The following FYN variants were observed in gnomAD, a reference collection of about 807,000 sequenced individuals.
The protein encoded by FYN is tyrosine-protein kinase Fyn.
A neutral mutation model predicts 70.2 loss-of-function variants in FYN; 10 were observed. That is an observed-to-expected ratio of 0.14 (90% confidence interval 0.09 to 0.24). The LOEUF (loss-of-function observed/expected upper bound fraction) is 0.24. Among genes scored for constraint, FYN ranks in the 10% least tolerant of loss-of-function variants. The pLI, the probability that FYN is intolerant of heterozygous loss-of-function variation, is 1.00. For synonymous variants in FYN, 236 were observed against 248.6 expected (o/e 0.95, Z 0.48); for missense variants, 319 against 673.1 (o/e 0.47, Z 5.82).
At chr6:111,795,343 C>T (rs1160508132) in intron 2 of FYN, among the ~76,000 whole-genome samples, 2 of 152,168 alleles carry the variant, frequency 1.3e-5, no homozygotes, top group Non-Finnish European at 2.9e-5. Context: ...AAAAGACAGC[C>T]ATCTACAAGC....
chr6:111,698,300 A>G (rs1023376850), intron 9 of FYN, among the ~76,000 whole-genome samples: 1 of 151,876 alleles, frequency 6.6e-6, no homozygotes, highest in Non-Finnish European at 1.5e-5. Flanking sequence ...TGCCCGGCTA[A>G]TTTTGTATTT....
intron 3 of FYN, among the ~76,000 whole-genome samples, chr6:111,752,331 A>C (rs912276862): frequency 2.6e-5 from 4 of 152,226 alleles, no homozygotes; most frequent in Non-Finnish European, 4.4e-5. Context: ...AAGATGAATA[A>C]GCTATCAGCC....
At chr6:111,823,701 G>C (rs1412392787) in intron 2 of FYN, among the ~76,000 whole-genome samples, 1 of 151,808 alleles carries the variant, frequency 6.6e-6, no homozygotes, top group East Asian at 1.9e-4. Flanking sequence ...CCAAGCTCTT[G>C]TATCATGCTA....
Position 111,746,521 on chromosome 6 carries a change from T to C in FYN, c.-11-26459A>G, listed in dbSNP as rs12526437. On this transcript the variant is annotated intron_variant, in intron 3 of 13. Coordinates refer to ENST00000354650, the MANE Select transcript of FYN (RefSeq NM_002037.5). The stretch of plus-strand genomic sequence containing the variant: ...AGTTTATTGCTGCTGAGTGGCATAG[T>C]AGTTTTTATTGCTTTATCCATTATA... 1.6e-3 allele frequency among the ~76,000 whole-genome samples: 251 copies of C among 152,374 alleles called. 4 individuals carry two copies. The highest frequency in any genetic ancestry group is 0.014 in the Admixed American group (210 of 15,308).
chr6:111,732,347 G>C (rs1341419629), intron 3 of FYN, among the ~76,000 whole-genome samples: 1 of 152,202 alleles, frequency 6.6e-6, no homozygotes, highest in East Asian at 1.9e-4. Flanking sequence ...CCTTAAAAAT[G>C]GCACAGCAGT....
intron 3 of FYN, among the ~76,000 whole-genome samples, chr6:111,747,949 TCA>T (rs953629186): frequency 3.3e-5 from 5 of 152,370 alleles, no homozygotes; most frequent in Admixed American, 1.3e-4. Context: ...GCGTCTATAC[TCA>T]TTCATTACTA....
chr6:111,777,106 C>T (rs1157886087), intron 3 of FYN, among the ~76,000 whole-genome samples: 5 of 152,272 alleles, frequency 3.3e-5, no homozygotes, highest in African/African-American at 4.8e-5. Flanking sequence ...ATTTAAAATA[C>T]GAGACAATCT....
chr6:111,822,022 A>G (rs1423566018), intron 2 of FYN, among the ~76,000 whole-genome samples: 1 of 152,206 alleles, frequency 6.6e-6, no homozygotes, highest in Non-Finnish European at 1.5e-5. Context: ...ACACTTTTAC[A>G]CTGTTGGTGG....
chr6:111,730,521 G>C (rs572513406), intron 3 of FYN, among the ~76,000 whole-genome samples: 7 of 152,310 alleles, frequency 4.6e-5, no homozygotes, highest in African/African-American at 1.7e-4. Flanking sequence ...GCTCTAGGAA[G>C]GTGGAGAGGA....
Position 111,740,736 on chromosome 6 carries a change from C to T in FYN, c.-11-20674G>A, listed in dbSNP as rs114209039. Among the ~76,000 whole-genome samples the T allele has an allele frequency of 5.2e-3, 798 of 152,296 alleles. 5 individuals are homozygous for T. Among genetic ancestry groups the T allele is most frequent in the African/African-American group, 0.018 (762 of 41,564 alleles). On this transcript the variant is annotated intron_variant, in intron 3 of 13. Transcript: ENST00000354650. ...TGTTCTTCTTTGAACACACTCTGCT[C>T]TGTTTTACTTCAGTGAGTCTGCACA...
chr6:111,824,034 A>G (rs1772758067), intron 2 of FYN, among the ~76,000 whole-genome samples: 1 of 152,260 alleles, frequency 6.6e-6, no homozygotes, highest in South Asian at 2.1e-4. Flanking sequence ...AATACTCAGA[A>G]GTCAAATAAC....
chr6:111,822,162 T>C (rs1772684667), intron 2 of FYN, among the ~76,000 whole-genome samples: 1 of 152,222 alleles, frequency 6.6e-6, no homozygotes, highest in African/African-American at 2.4e-5. Context: ...ATCATGCTGC[T>C]ATAAAGACAC....
intron 1 of FYN, among the ~76,000 whole-genome samples, chr6:111,867,455 C>G (rs1182350131): frequency 4.7e-5 from 4 of 85,878 alleles, no homozygotes; most frequent in Middle Eastern, 6.1e-3. Context: ...AACTCCGTCT[C>G]GGGAAAAAAA....
chr6:111,847,134 C>A (rs971746262), intron 1 of FYN, among the ~76,000 whole-genome samples: 2 of 152,222 alleles, frequency 1.3e-5, no homozygotes, highest in African/African-American at 4.8e-5. Context: ...TTGGGGATGG[C>A]CCCTGGTTCC....
intron 2 of FYN, among the ~76,000 whole-genome samples, chr6:111,800,700 T>C (rs943798464): frequency 1.3e-5 from 2 of 152,288 alleles, no homozygotes; most frequent in African/African-American, 2.4e-5. Flanking sequence ...GAATTCCTAA[T>C]GAACAGGTTA....
intron 2 of FYN, among the ~76,000 whole-genome samples, chr6:111,789,352 G>A (rs1771521565): frequency 6.6e-6 from 1 of 152,200 alleles, no homozygotes; most frequent in Non-Finnish European, 1.5e-5. Flanking sequence ...GCAGAGTCAT[G>A]CAAATGGATG....
chr6:111,665,125 G>A (rs1036990603), intron 13 of FYN, among the ~76,000 whole-genome samples: 1 of 152,158 alleles, frequency 6.6e-6, no homozygotes. Flanking sequence ...TTATGATCAG[G>A]AGTGTTTTAA....
chr6:111,708,036 A>G lies in FYN; in HGVS notation c.345-16T>C. 6.3e-7 allele frequency: 1 copy of G among 1,587,894 alleles called. No homozygotes were observed. Among genetic ancestry groups the G allele is most frequent in the Non-Finnish European group, 8.6e-7 (1 of 1,156,456 alleles). Reference sequence around the variant, plus strand: ...ATCTCCTTCCCTGTAAATAAAAAAGAAAAGTAAATATGTTGACCATTTCAA... The same window carrying G: ...ATCTCCTTCCCTGTAAATAAAAAAGGAAAGTAAATATGTTGACCATTTCAA... On this transcript the variant is annotated splice_polypyrimidine_tract_variant and intron_variant, in intron 5 of 13. Transcript: ENST00000354650.
chr6:111,798,668 G>A (rs199799861), intron 2 of FYN, among the ~76,000 whole-genome samples: 5,545 of 152,218 alleles, frequency 0.036, 236 homozygotes, highest in African/African-American at 0.11. Context: ...GACCCTTCCT[G>A]GATGTGTGGC....
Sources: allele counts gnomAD v4.1 joint callset (sites outside exome capture counted in the v4.1 genomes callset), GRCh38; gene constraint gnomAD v4.1.1; transcripts MANE v1.5; gene names NCBI Gene and HGNC (gene_info 2026-07-23, HGNC 2026-07-21).